The following PLSCR2 variants were observed in gnomAD, a reference collection of about 807,000 sequenced individuals.
PLSCR2 encodes the protein PL scramblase 2.
In PLSCR2, 18 loss-of-function variants were observed where a neutral mutation model predicts 25.3. That is an observed-to-expected ratio of 0.71 (90% CI 0.49 to 1.06). PLSCR2 has a LOEUF of 1.06. Ranked by LOEUF, PLSCR2 falls within the 50% of genes least tolerant of loss-of-function variation. PLSCR2 has a pLI of 0.00. For missense variants in PLSCR2, 243 were observed against 269.5 expected (o/e 0.90, Z 0.69); for synonymous variants, 88 against 87.3 (o/e 1.01, Z -0.04).
At chr3:146,436,512 A>T (rs891641158) in intron 8 of PLSCR2, among the ~76,000 whole-genome samples, 28 of 152,262 alleles carry the variant, frequency 1.8e-4, no homozygotes, top group African/African-American at 6.7e-4. Context: ...TTGGATTCCC[A>T]GGTATTTTAT....
downstream of PLSCR2, among the ~76,000 whole-genome samples, chr3:146,441,137 G>A (rs1246497333): frequency 1.3e-5 from 2 of 151,960 alleles, no homozygotes; most frequent in Non-Finnish European, 2.9e-5. Flanking sequence ...TATAGTACTA[G>A]GTTAGCTGAT....
chr3:146,466,710 G>A (rs2041886623), intron 1 of PLSCR2, among the ~76,000 whole-genome samples: 2 of 152,002 alleles, frequency 1.3e-5, no homozygotes, highest in Admixed American at 6.6e-5. Context: ...TCATAAATGA[G>A]AAAACTAAGC....
At chr3:146,432,930 A>AT (rs908966852), downstream of PLSCR2, among the ~76,000 whole-genome samples, 1 of 151,972 alleles carries the variant, frequency 6.6e-6, no homozygotes, top group Admixed American at 6.6e-5. Context: ...TTGCAAATAA[A>AT]TTTTTTTTAC....
intron 3 of PLSCR2, among the ~76,000 whole-genome samples, chr3:146,457,021 C>G (rs1019354546): frequency 1.3e-5 from 2 of 151,870 alleles, no homozygotes; most frequent in African/African-American, 4.8e-5. Context: ...ATTCAGAATA[C>G]AAATTATTAC....
chr3:146,432,682 T>A (rs2039591379), downstream of PLSCR2, among the ~76,000 whole-genome samples: 1 of 152,170 alleles, frequency 6.6e-6, no homozygotes, highest in African/African-American at 2.4e-5. Context: ...ATGCCTGCTA[T>A]TAAAGTGTGC....
At chr3:146,403,317 T>C (rs374184987) in intron 2 of PLSCR2, among the ~76,000 whole-genome samples, 13 of 152,204 alleles carry the variant, frequency 8.5e-5, no homozygotes, top group African/African-American at 2.9e-4. Context: ...TTTAGAGTGG[T>C]AGTTCTCAAA....
chr3:146,490,172 G>T (rs1227378494), intron 1 of PLSCR2, among the ~76,000 whole-genome samples: 1 of 152,074 alleles, frequency 6.6e-6, no homozygotes, highest in African/African-American at 2.4e-5. Flanking sequence ...ACAATAATGG[G>T]ACATGTATAG....
At chr3:146,418,086 G>A (rs2039042793) in intron 2 of PLSCR2, among the ~76,000 whole-genome samples, 2 of 152,036 alleles carry the variant, frequency 1.3e-5, no homozygotes, top group Non-Finnish European at 2.9e-5. Context: ...AATTTGACTT[G>A]TGTTAAAAGA....
downstream of PLSCR2, among the ~76,000 whole-genome samples, chr3:146,432,104 CTG>C (rs1306119069): frequency 1.3e-5 from 2 of 152,188 alleles, no homozygotes; most frequent in East Asian, 3.9e-4. Flanking sequence ...TAAATTGAAA[CTG>C]TGTATATCAT....
downstream of PLSCR2, among the ~76,000 whole-genome samples, chr3:146,432,773 A>C (rs1421935521): frequency 1.1e-4 from 16 of 152,218 alleles, no homozygotes; most frequent in Admixed American, 1.0e-3. Flanking sequence ...TAAGCCACAG[A>C]AACTATTCTA....
At chr3:146,484,701 A>G (rs1318055329) in intron 1 of PLSCR2, among the ~76,000 whole-genome samples, 1 of 152,062 alleles carries the variant, frequency 6.6e-6, no homozygotes, top group African/African-American at 2.4e-5. Flanking sequence ...AGCTTCATAA[A>G]CAAAGGAGAA....
At chr3:146,416,542 T>C (rs1266427679) in intron 2 of PLSCR2, 1 of 152,198 alleles carries the variant, frequency 6.6e-6, no homozygotes, top group South Asian at 2.1e-4. Context: ...CAGCTGGTTA[T>C]TGTCTCTGGT....
chr3:146,454,085 T>C (rs1432684656), exon 5 of PLSCR2: 1 of 1,610,974 alleles, frequency 6.2e-7, no homozygotes, highest in East Asian at 2.2e-5. Flanking sequence ...TGATTTTTAA[T>C]TGTAAACTTT....
chr3:146,459,915 C>G (rs1459449509), exon 2 of PLSCR2: 1 of 1,613,988 alleles, frequency 6.2e-7, no homozygotes, highest in Non-Finnish European at 8.5e-7. Context: ...CCATGGTACC[C>G]CTTCAGGTCT....
At chr3:146,458,368 T>G in intron 3 of PLSCR2, 43 bp downstream of exon 3, 1 of 1,446,236 alleles carries the variant, frequency 6.9e-7, no homozygotes, top group Non-Finnish European at 9.3e-7. Flanking sequence ...TTGCATAAAC[T>G]TCTTCTCTTT....
At chr3:146,445,577 T>C (rs1226105495) in intron 6 of PLSCR2, among the ~76,000 whole-genome samples, 2 of 152,176 alleles carry the variant, frequency 1.3e-5, no homozygotes, top group East Asian at 3.9e-4. Context: ...GATCCTTTCT[T>C]TATCATTAAC....
exon 3 of PLSCR2, chr3:146,395,908 T>G (rs557922800): frequency 1.1e-4 from 35 of 324,260 alleles, no homozygotes; most frequent in Non-Finnish European, 1.9e-4. Context: ...CATTTCCTCA[T>G]CCAGAGTCAA....
intron 6 of PLSCR2, 63 bp downstream of exon 6, chr3:146,449,143 G>A (rs1037605037): frequency 2.4e-5 from 27 of 1,127,182 alleles, no homozygotes; most frequent in Non-Finnish European, 3.0e-5. Flanking sequence ...ATAATTTATT[G>A]AAGTATTTCA....
intron 2 of PLSCR2, among the ~76,000 whole-genome samples, chr3:146,403,819 T>A (rs1389283175): frequency 2.0e-5 from 3 of 152,180 alleles, no homozygotes; most frequent in Admixed American, 2.0e-4. Flanking sequence ...TCTTACTACA[T>A]CATGTTAAAT....
Sources: gnomAD v4.1 joint callset for allele counts (sites outside exome capture counted in the v4.1 genomes callset) on GRCh38, gnomAD v4.1.1 for gene constraint, MANE v1.5 for transcripts, NCBI Gene and HGNC (gene_info 2026-07-23, HGNC 2026-07-21) for gene names.